DOK6: variants seen among roughly 807,000 people sequenced by gnomAD.
The protein encoded by DOK6 is downstream of tyrosine kinase 6.
DOK6 carries 22 observed loss-of-function variants against 44.0 expected under a neutral mutation model. That is an observed-to-expected ratio of 0.50 (90% CI 0.36 to 0.71). The LOEUF is 0.71. DOK6 is among the 30% of genes least tolerant of loss of function. The pLI is 0.00. For missense variants in DOK6, 340 were observed against 416.4 expected (o/e 0.82, Z 1.60); for synonymous variants, 166 against 145.5 (o/e 1.14, Z -1.01).
chr18:69,731,125 T>C (rs761195686), intron 5 of DOK6, among the ~76,000 whole-genome samples: 2 of 152,152 alleles, frequency 1.3e-5, no homozygotes, highest in Non-Finnish European at 2.9e-5. Context: ...TTATCAGTGA[T>C]CTGTCAACTG....
intron 1 of DOK6, among the ~76,000 whole-genome samples, chr18:69,494,753 G>A (rs1550599): frequency 6.6e-6 from 1 of 151,992 alleles, no homozygotes; most frequent in African/African-American, 2.4e-5. Context: ...AAACTTAAAT[G>A]ATATAATTAC....
intron 7 of DOK6, among the ~76,000 whole-genome samples, chr18:69,781,002 G>T (rs1980247649): frequency 6.6e-6 from 1 of 152,178 alleles, no homozygotes. Context: ...CTGGATGACA[G>T]ACGGCCATTT....
At chr18:69,495,133 A>C (rs1159957970) in intron 1 of DOK6, among the ~76,000 whole-genome samples, 1 of 152,240 alleles carries the variant, frequency 6.6e-6, no homozygotes, top group African/African-American at 2.4e-5. Context: ...CAGGTTCACC[A>C]CAGGCAGCTT....
intron 1 of DOK6, among the ~76,000 whole-genome samples, chr18:69,416,983 T>G (rs753575262): frequency 9.2e-5 from 14 of 152,216 alleles, no homozygotes; most frequent in Non-Finnish European, 1.3e-4. Flanking sequence ...ATGGAATACA[T>G]GTAATATTTT....
At chr18:69,492,375 T>C (rs1980758400) in intron 1 of DOK6, among the ~76,000 whole-genome samples, 1 of 152,120 alleles carries the variant, frequency 6.6e-6, no homozygotes, top group South Asian at 2.1e-4. Flanking sequence ...ATAAACCCCT[T>C]ATTTCTTTTA....
intron 1 of DOK6, among the ~76,000 whole-genome samples, chr18:69,528,205 T>G (rs1372768): frequency 0.2 from 29,719 of 148,912 alleles, 3,834 homozygotes; most frequent in African/African-American, 0.36. Context: ...ATGCAGAAAC[T>G]AAGATGCATA....
At chr18:69,501,733 TA>T (rs1981054891) in intron 1 of DOK6, among the ~76,000 whole-genome samples, 1 of 152,138 alleles carries the variant, frequency 6.6e-6, no homozygotes, top group African/African-American at 2.4e-5. Flanking sequence ...ATGAAACACT[TA>T]TGTCAGTTCA....
chr18:69,777,022 TA>T (rs1430568788), intron 7 of DOK6, among the ~76,000 whole-genome samples: 1 of 145,674 alleles, frequency 6.9e-6, no homozygotes, highest in African/African-American at 2.5e-5. Flanking sequence ...GGGATAGCAT[TA>T]GGAGGTATAC....
chr18:69,409,318 T>C (rs1568248052), intron 1 of DOK6, among the ~76,000 whole-genome samples: 2 of 152,350 alleles, frequency 1.3e-5, no homozygotes, highest in East Asian at 3.9e-4. Flanking sequence ...AATGGACTAA[T>C]ACACATGTAG....
intron 1 of DOK6, among the ~76,000 whole-genome samples, chr18:69,431,514 C>A (rs868857129): frequency 5.9e-5 from 9 of 152,166 alleles, no homozygotes; most frequent in Non-Finnish European, 1.3e-4. Flanking sequence ...AAAAGATGAT[C>A]CTTATGCTGC....
chr18:69,490,091 T>C (rs1045461338), intron 1 of DOK6, among the ~76,000 whole-genome samples: 8 of 152,208 alleles, frequency 5.3e-5, no homozygotes, highest in African/African-American at 1.7e-4. Flanking sequence ...TGCAAAAGAA[T>C]TGTCCTGATA....
chr18:69,559,611 TCC>T (rs1982777482), intron 1 of DOK6, among the ~76,000 whole-genome samples: 1 of 152,166 alleles, frequency 6.6e-6, no homozygotes, highest in South Asian at 2.1e-4. Context: ...ACCAGCACTA[TCC>T]TACCATCACT....
intron 1 of DOK6, among the ~76,000 whole-genome samples, chr18:69,550,646 A>C (rs1441993478): frequency 6.6e-6 from 1 of 152,264 alleles, no homozygotes; most frequent in South Asian, 2.1e-4. Context: ...AAAATTATGA[A>C]GTGTATGGAG....
intron 1 of DOK6, among the ~76,000 whole-genome samples, chr18:69,521,240 A>T (rs1981675872): frequency 6.6e-6 from 1 of 151,838 alleles, no homozygotes; most frequent in South Asian, 2.1e-4. Flanking sequence ...TTACTGTTGC[A>T]TGTTTTAAGT....
chr18:69,508,200 A>G (rs1981250027), intron 1 of DOK6, among the ~76,000 whole-genome samples: 1 of 152,138 alleles, frequency 6.6e-6, no homozygotes, highest in African/African-American at 2.4e-5. Context: ...TGGTTACTGG[A>G]AGAAATTCCA....
At chr18:69,519,999 G>A (rs573908421) in intron 1 of DOK6, among the ~76,000 whole-genome samples, 287 of 151,596 alleles carry the variant, frequency 1.9e-3, no homozygotes, top group Non-Finnish European at 3.4e-3. Flanking sequence ...ATGTATCTGA[G>A]GCACTGTTAG....
At chr18:69,839,252 A>C (rs1444628978) in intron 7 of DOK6, among the ~76,000 whole-genome samples, 2 of 134,738 alleles carry the variant, frequency 1.5e-5, no homozygotes, top group African/African-American at 5.8e-5. Flanking sequence ...TCCCTCCCCT[A>C]GTCTCTCCCT....
In DOK6 at chr18:69,434,694, C is replaced by T. The variant is rs972151155; in HGVS notation, c.66+33384C>T. Reference sequence around the variant, plus strand: ...ATCCCAGCACTTTGAAAGGCAGAGGCGGGCGGATCACGAGGTTAGAGCATC... The same window carrying T: ...ATCCCAGCACTTTGAAAGGCAGAGGTGGGCGGATCACGAGGTTAGAGCATC... On this transcript the variant is annotated intron_variant, in intron 1 of 7. Transcript: ENST00000382713. Among the ~76,000 whole-genome samples, 7 of 128,004 alleles carry T rather than the reference C, an allele frequency of 5.5e-5. No homozygotes were observed. The East Asian group carries it at 1.5e-3, about 27-fold the overall frequency. The allele number at this position is 128,004 out of a possible 152,430, so 84.0% of individuals were successfully genotyped here. A position where few individuals can be genotyped will look rare whatever the true frequency, so the allele number is the denominator to read the frequency against.
At chr18:69,507,805 T>C (rs1456926414) in intron 1 of DOK6, among the ~76,000 whole-genome samples, 5 of 152,166 alleles carry the variant, frequency 3.3e-5, no homozygotes, top group South Asian at 2.1e-4. Context: ...GATAAAATCC[T>C]ATGTCTTCCT....
Sources: gnomAD v4.1 joint callset for allele counts (sites outside exome capture counted in the v4.1 genomes callset) on GRCh38, gnomAD v4.1.1 for gene constraint, MANE v1.5 for transcripts, NCBI Gene and HGNC (gene_info 2026-07-23, HGNC 2026-07-21) for gene names.